ABCA3: variants seen among roughly 807,000 people sequenced by gnomAD.
The protein encoded by ABCA3 is phospholipid-transporting ATPase ABCA3.
ABCA3 carries 88 observed loss-of-function variants against 172.8 expected under a neutral mutation model. The observed-to-expected ratio is 0.51, with a 90% CI of 0.43 to 0.61. The LOEUF (loss-of-function observed/expected upper bound fraction) is 0.61, where lower values mean the gene tolerates loss of function less well. Among genes scored for constraint, ABCA3 ranks in the 20% least tolerant of loss-of-function variants. ABCA3 has a pLI of 0.00. For synonymous variants in ABCA3, 1,066 were observed against 983.8 expected (o/e 1.08, Z -1.56); for missense variants, 2,164 against 2,301.0 (o/e 0.94, Z 1.22).
intron 1 of ABCA3, among the ~76,000 whole-genome samples, chr16:2,335,819 T>C (rs1446003535): frequency 6.6e-6 from 1 of 152,252 alleles, no homozygotes; most frequent in Non-Finnish European, 1.5e-5. Context: ...GCGAAAGCTT[T>C]ACAATGCTTC....
In ABCA3 at chr16:2,279,386, G is replaced by C. The variant is rs757597941; in HGVS notation, c.4360-256C>G. Among the ~76,000 whole-genome samples, 1 of 152,240 alleles carries C rather than the reference G, an allele frequency of 6.6e-6. No homozygotes were observed. The highest frequency in any genetic ancestry group is 1.5e-5 in the Non-Finnish European group (1 of 68,046). On this transcript the variant is annotated intron_variant, in intron 28 of 32. Transcript: ENST00000301732. The surrounding 1 kb of genome is among the most constrained non-coding windows in gnomAD (Gnocchi z 4.4). Reference sequence around the variant, plus strand: ...GAGCTGCTCTCAGAGCCTGGTCCAGGACAGGCAGCCATGGGGTTAGGTGGT... The same window carrying C: ...GAGCTGCTCTCAGAGCCTGGTCCAGCACAGGCAGCCATGGGGTTAGGTGGT...
At position 2,328,555 on chromosome 16, in the gene ABCA3, G is replaced by A. The variant is rs760813491; in HGVS notation, c.-129C>T. On this transcript the variant is annotated 5_prime_UTR_variant, in exon 3 of 33. Coordinates refer to ENST00000301732, the MANE Select transcript of ABCA3 (RefSeq NM_001089.3). Reference sequence around the variant, plus strand: ...AAACTGAGTGTAAAGAGGGCGAGGTGTGCAGACGTGGCTGCTCTGTCCTGG... The same window carrying A: ...AAACTGAGTGTAAAGAGGGCGAGGTATGCAGACGTGGCTGCTCTGTCCTGG... 2.3e-5 allele frequency: 12 copies of A among 515,916 alleles called. No individual in the cohort carries two copies. Among genetic ancestry groups the A allele is most frequent in the Admixed American group, 2.2e-4 (11 of 51,146 alleles). The allele number at this position is 515,916 out of a possible 1,614,324, so 32.0% of individuals were successfully genotyped here. A position where few individuals can be genotyped will look rare whatever the true frequency, so the allele number is the denominator to read the frequency against.
Position 2,284,860 on chromosome 16 carries a change from T to G in ABCA3, c.3622A>C (p.Thr1208Pro). ...LMNFFFLGAA[T>P]AYTRLTIFNI... ...AAGATGGTCAGCCTCGTGTAGGCAG[T>G]GGCCGCCCCCAAGAAGAAGAAGTTC... is the stretch of plus-strand genomic sequence containing the variant. Residue 1208 changes from threonine (T) to proline (P), a missense_variant, in exon 24 of 33, where the codon ACT (threonine) becomes CCT (proline). By Grantham distance (38) the Thr-to-Pro change is conservative. This residue lies in a region of ABCA3 where 795 missense variants were observed against 881.9 expected (regional missense o/e 0.90). Transcript: ENST00000301732. This position sits in a 1 kb window ranked among gnomAD's most constrained non-coding sequence, Gnocchi z 5.9. 6.2e-7 allele frequency: 1 copy of G among 1,613,792 alleles called. No homozygotes were observed. The highest frequency in any genetic ancestry group is 1.7e-5 in the Admixed American group (1 of 59,988).
chr16:2,292,951 T>C (rs1042307326), intron 18 of ABCA3, among the ~76,000 whole-genome samples: 64 of 152,244 alleles, frequency 4.2e-4, no homozygotes, highest in South Asian at 2.1e-3. Flanking sequence ...CAAGACTCCG[T>C]CTCCAAAAAC....
At chr16:2,330,562 C>T (rs1358125164) in intron 1 of ABCA3, among the ~76,000 whole-genome samples, 7 of 151,804 alleles carry the variant, frequency 4.6e-5, no homozygotes, top group Admixed American at 2.0e-4. Flanking sequence ...TCAAGTGATC[C>T]GCCGACCTTG....
Position 2,317,394 on chromosome 16 carries a change from T to C in ABCA3, c.1000A>G (p.Asn334Asp). Residue 334 changes from asparagine to aspartate, a missense_variant, in exon 10 of 33, where the codon AAT becomes GAT. Asn to Asp is a conservative substitution (Grantham distance 23, BLOSUM62 1). Around this residue, in one of 3 missense-constraint regions of ABCA3, gnomAD observed 1,343 missense variants for 1,369.6 expected, o/e 0.98. Coordinates refer to ENST00000301732, the MANE Select transcript of ABCA3 (RefSeq NM_001089.3). ...TLLFCVKVKP[N>D]VAVLSRSDPS... Reference sequence around the variant, plus strand: ...TCGCTGCGGGACAGCACGGCTACATTTGGCTTCACCTGCAGGGCACAGGCA... The same window carrying C: ...TCGCTGCGGGACAGCACGGCTACATCTGGCTTCACCTGCAGGGCACAGGCA... The C allele has an allele frequency of 6.2e-7, 1 of 1,613,560 alleles. No individual in the cohort carries two copies. Among genetic ancestry groups the C allele is most frequent in the Non-Finnish European group, 8.5e-7 (1 of 1,179,882 alleles).
intron 12 of ABCA3, among the ~76,000 whole-genome samples, chr16:2,301,088 G>T (rs991454318): frequency 6.7e-6 from 1 of 150,370 alleles, no homozygotes; most frequent in Non-Finnish European, 1.5e-5. Context: ...AAAATTAGCC[G>T]GGCGTGGTGG....
chr16:2,325,783 A>G (rs182293259), intron 5 of ABCA3, among the ~76,000 whole-genome samples: 19 of 152,280 alleles, frequency 1.2e-4, no homozygotes, highest in Admixed American at 7.8e-4. Context: ...TGATGGTGCT[A>G]TCGGACCCAA....
chr16:2,303,278 T>C (rs1340163524), intron 12 of ABCA3, among the ~76,000 whole-genome samples: 1 of 151,560 alleles, frequency 6.6e-6, no homozygotes, highest in Admixed American at 6.6e-5. Flanking sequence ...TTTTTTTTTT[T>C]TTGAGACAGA....
At chr16:2,303,427 AGTTTTTTTTTTATTTTTTATTT>A (rs2093692638) in intron 12 of ABCA3, among the ~76,000 whole-genome samples, 1 of 151,614 alleles carries the variant, frequency 6.6e-6, no homozygotes, top group Non-Finnish European at 1.5e-5. Flanking sequence ...ACACCCGGCT[AGTTTTTTTTTTATTTTTTATTT>A]TTAGTGGAGA....
chr16:2,318,130 G>A (rs1280248921), intron 8 of ABCA3, among the ~76,000 whole-genome samples: 3 of 152,242 alleles, frequency 2.0e-5, no homozygotes, highest in African/African-American at 7.2e-5. Flanking sequence ...GAAAGACCCT[G>A]CCAGTTCCCA....
rs750706025 is a variant in ABCA3 at position 2,284,303 on chromosome 16, C to T, written c.3838G>A (p.Ala1280Thr). 3.1e-6 allele frequency: 5 copies of T among 1,613,478 alleles called. No homozygotes were observed. Among genetic ancestry groups the T allele is most frequent in the Middle Eastern group, 1.6e-4 (1 of 6,076 alleles). Reference sequence around the variant, plus strand: ...CTATATTTCTTGCAGTAGTGGGCGGCGACCTCGGAGGAGGTGCAGTACCTC... The same window carrying T: ...CTATATTTCTTGCAGTAGTGGGCGGTGACCTCGGAGGAGGTGCAGTACCTC... ...TRRYCTSSEV[A>T]AHYCKKYNIQ... Residue 1280 changes from alanine to threonine, a missense_variant, in exon 25 of 33, where the codon GCC (alanine) becomes ACC (threonine). Ala to Thr is a moderately conservative substitution (Grantham distance 58). Transcript: ENST00000301732. This position sits in a 1 kb window ranked among gnomAD's most constrained non-coding sequence, Gnocchi z 5.9.
chr16:2,325,577 G>A (rs1398299713), intron 5 of ABCA3, among the ~76,000 whole-genome samples: 3 of 152,092 alleles, frequency 2.0e-5, no homozygotes, highest in Non-Finnish European at 2.9e-5. Flanking sequence ...CTGCCAGGTC[G>A]TATTTAAGTC....
At chr16:2,302,004 C>T (rs185203623) in intron 12 of ABCA3, among the ~76,000 whole-genome samples, 228 of 152,380 alleles carry the variant, frequency 1.5e-3, no homozygotes, top group African/African-American at 5.0e-3. Context: ...ATTCTTAAGC[C>T]GCAAACAAAA....
At chr16:2,305,735 A>G (rs1450745738) in intron 11 of ABCA3, among the ~76,000 whole-genome samples, 1 of 151,922 alleles carries the variant, frequency 6.6e-6, no homozygotes, top group Non-Finnish European at 1.5e-5. Flanking sequence ...TAGTATAACT[A>G]TTTTTTTACA....
rs993564577 is a variant in ABCA3 at position 2,277,021 on chromosome 16, G to A, written c.4984-216C>T. ...CAGGAGCCAGCGGGGATGGGGCCCA[G>A]CCTCCTCCCTGTGCTGTTCCCAGCT... On this transcript the variant is annotated intron_variant, in intron 32 of 32. Transcript: ENST00000301732. This position sits in a 1 kb window ranked among gnomAD's most constrained non-coding sequence, Gnocchi z 5.3. Among the ~76,000 whole-genome samples the A allele has an allele frequency of 1.2e-4, 19 of 152,210 alleles. No homozygotes were observed. Among genetic ancestry groups the A allele is most frequent in the African/African-American group, 4.3e-4 (18 of 41,444 alleles).
At position 2,297,196 on chromosome 16, in the gene ABCA3, C is replaced by T. The variant is rs531422778; in HGVS notation, c.2263+133G>A. Reference sequence around the variant, plus strand: ...CCCCTGCCTGGTTGGGCTCTCCACCCAGAGGCAACAGACAGGAAGTCTAGA... The same window carrying T: ...CCCCTGCCTGGTTGGGCTCTCCACCTAGAGGCAACAGACAGGAAGTCTAGA... On this transcript the variant is annotated intron_variant, in intron 17 of 32. Transcript: ENST00000301732. The surrounding 1 kb of genome is among the most constrained non-coding windows in gnomAD (Gnocchi z 5.6). 571 of 995,878 alleles carry T rather than the reference C, an allele frequency of 5.7e-4. 1 individual carries two copies. Among genetic ancestry groups the T allele is most frequent in the Non-Finnish European group, 7.8e-4 (511 of 656,042 alleles). 61.7% of individuals were successfully genotyped at this position (995,878 alleles called of 1,614,324 possible). A position where few individuals can be genotyped will look rare whatever the true frequency, so the allele number is the denominator to read the frequency against.
rs1425101623 is a variant in ABCA3 at position 2,340,723 on chromosome 16, G to T, written c.-689C>A. 1 of 150,556 alleles carries T rather than the reference G, an allele frequency of 6.6e-6. No individual in the cohort carries two copies. Among genetic ancestry groups the T allele is most frequent in the Non-Finnish European group, 1.5e-5 (1 of 67,368 alleles). The allele number at this position is 150,556 out of a possible 1,614,324, so 9.3% of individuals were successfully genotyped here. ...GGAGGGGAGGGTGCGCCTGCAACCC[G>T]CTACTGGCGGACGCAGCGGCCGCTC... On this transcript the variant is annotated 5_prime_UTR_variant, in exon 1 of 33. Coordinates refer to ENST00000301732, the MANE Select transcript of ABCA3 (RefSeq NM_001089.3).
chr16:2,314,316 A>G (rs552128151), intron 10 of ABCA3, among the ~76,000 whole-genome samples: 22 of 152,314 alleles, frequency 1.4e-4, no homozygotes, highest in African/African-American at 4.1e-4. Flanking sequence ...TCAGGCTACA[A>G]CACAGATGAA....
Sources: gnomAD v4.1 joint callset for allele counts (sites outside exome capture counted in the v4.1 genomes callset) on GRCh38, gnomAD v4.1.1 for gene constraint, gnomAD v4.1.1 regional missense constraint, Gnocchi (gnomAD v3.1) non-coding constraint, MANE v1.5 for transcripts, NCBI Gene and HGNC (gene_info 2026-07-23, HGNC 2026-07-21) for gene names.